XYLT1: variants seen among roughly 807,000 people sequenced by gnomAD.
XYLT1 encodes the protein beta-D-xylosyltransferase 1.
XYLT1 carries 36 observed loss-of-function variants against 91.3 expected under a neutral mutation model. That is an observed-to-expected ratio of 0.39 (90% CI 0.30 to 0.52). The LOEUF (loss-of-function observed/expected upper bound fraction) is 0.52. XYLT1 is among the 20% of genes least tolerant of loss of function. The pLI is 0.68. For synonymous variants in XYLT1, 588 were observed against 532.0 expected, an observed-to-expected ratio of 1.11 and a Z score of -1.45; for missense variants, 1,242 against 1,284.5, an observed-to-expected ratio of 0.97 and a Z score of 0.51.
At chr16:17,332,704 A>C (rs1036839730) in intron 2 of XYLT1, among the ~76,000 whole-genome samples, 1 of 152,120 alleles carries the variant, frequency 6.6e-6, no homozygotes, top group Non-Finnish European at 1.5e-5. Context: ...ACCTCCCCAC[A>C]GGTGGACACT....
Position 17,105,233 on chromosome 16 carries a change from T to C in XYLT1, c.*3462A>G, listed in dbSNP as rs1966758611. On this transcript the variant is annotated 3_prime_UTR_variant, in exon 12 of 12. Coordinates refer to ENST00000261381, the MANE Select transcript of XYLT1 (RefSeq NM_022166.4). The stretch of plus-strand genomic sequence containing the variant: ...AGTGTCTTCTGTGTTATCTGCAAAC[T>C]AGAGAACCAGAGGGAAACATGGTCT... 6.6e-6 allele frequency: 1 copy of C among 152,184 alleles called. No homozygotes were observed. Among genetic ancestry groups the C allele is most frequent in the Non-Finnish European group, 1.5e-5 (1 of 68,054 alleles). 9.4% of individuals were successfully genotyped at this position (152,184 alleles called of 1,614,324 possible).
At chr16:17,455,242 A>G (rs2036725731) in intron 1 of XYLT1, among the ~76,000 whole-genome samples, 1 of 152,064 alleles carries the variant, frequency 6.6e-6, no homozygotes, top group African/African-American at 2.4e-5. Flanking sequence ...GTTGGGCGTG[A>G]TCCCTTTCTG....
At chr16:17,145,319 C>T (rs898344750) in intron 6 of XYLT1, among the ~76,000 whole-genome samples, 6 of 152,204 alleles carry the variant, frequency 3.9e-5, no homozygotes, top group African/African-American at 1.4e-4. Flanking sequence ...CTCACCCTAG[C>T]ACCAGGGGGT....
intron 5 of XYLT1, among the ~76,000 whole-genome samples, chr16:17,166,767 G>C (rs2031694608): frequency 6.6e-6 from 1 of 151,680 alleles, no homozygotes; most frequent in African/African-American, 2.4e-5. Context: ...GCCTGCCTCA[G>C]CCTCCAAAGT....
chr16:17,270,778 A>C (rs571636782), intron 2 of XYLT1, among the ~76,000 whole-genome samples: 76 of 152,354 alleles, frequency 5.0e-4, no homozygotes, highest in African/African-American at 1.8e-3. Context: ...TCCAGGACAC[A>C]GCCATGCCCA....
chr16:17,168,107 T>G lies in XYLT1; in HGVS notation c.1290-9198A>C, dbSNP rs144291079. On this transcript the variant is annotated intron_variant, in intron 5 of 11. Coordinates refer to ENST00000261381, the MANE Select transcript of XYLT1 (RefSeq NM_022166.4). ...GCAAAAGAACTGGAAAAAAGGCAAATCCCTGATTCAAATGCAGTCAAAGCA... is the reference window on the plus strand; with the variant it reads ...GCAAAAGAACTGGAAAAAAGGCAAAGCCCTGATTCAAATGCAGTCAAAGCA... Among the ~76,000 whole-genome samples, 586 of 152,182 alleles carry G rather than the reference T, an allele frequency of 3.9e-3. 2 individuals carry two copies. Among genetic ancestry groups the G allele is most frequent in the African/African-American group, 0.013 (551 of 41,526 alleles).
chr16:17,300,928 C>T (rs1354483026), intron 2 of XYLT1, among the ~76,000 whole-genome samples: 2 of 152,130 alleles, frequency 1.3e-5, no homozygotes, highest in Non-Finnish European at 2.9e-5. Context: ...TAAGACAATT[C>T]AGATCCTTTC....
In XYLT1 at chr16:17,138,634, G is replaced by C. The variant is rs138907566; in HGVS notation, c.1588-103C>G. 1.2e-4 allele frequency: 170 copies of C among 1,383,930 alleles called. 1 individual carries two copies. The African/African-American group carries it at 2.2e-3, about 18-fold the overall frequency. 85.7% of individuals were successfully genotyped at this position (1,383,930 alleles called of 1,614,324 possible). ...CTTGCTCTGAGTTCATGTAAGAACT[G>C]GTTGTTTAAAAGAATGTGGCATCTC... On this transcript the variant is annotated intron_variant, in intron 7 of 11. Coordinates refer to ENST00000261381, the MANE Select transcript of XYLT1 (RefSeq NM_022166.4).
intron 1 of XYLT1, among the ~76,000 whole-genome samples, chr16:17,459,238 G>A (rs2036783644): frequency 6.6e-6 from 1 of 152,098 alleles, no homozygotes; most frequent in African/African-American, 2.4e-5. Flanking sequence ...CGGGCATGGT[G>A]GCACGCACCT....
chr16:17,436,296 T>C (rs933788951), intron 1 of XYLT1, among the ~76,000 whole-genome samples: 6 of 152,208 alleles, frequency 3.9e-5, no homozygotes, highest in Admixed American at 6.5e-5. Flanking sequence ...GAGATGAGCA[T>C]GTCAAGGCCC....
Position 17,312,013 on chromosome 16 carries a change from A to T in XYLT1, c.402+45999T>A, listed in dbSNP as rs564343556. Reference sequence around the variant, plus strand: ...ATTATAGGAGCTACAATTCAAGATGAGATTTGGGTGGGGACACAACCAAAC... The same window carrying T: ...ATTATAGGAGCTACAATTCAAGATGTGATTTGGGTGGGGACACAACCAAAC... On this transcript the variant is annotated intron_variant, in intron 2 of 11. Coordinates refer to ENST00000261381, the MANE Select transcript of XYLT1 (RefSeq NM_022166.4). The surrounding 1 kb of genome is among the most constrained non-coding windows in gnomAD (Gnocchi z 4.4). Among the ~76,000 whole-genome samples, 245 of 152,270 alleles carry T rather than the reference A, an allele frequency of 1.6e-3. 1 individual carries two copies. Among genetic ancestry groups the T allele is most frequent in the African/African-American group, 5.5e-3 (230 of 41,544 alleles).
intron 1 of XYLT1, among the ~76,000 whole-genome samples, chr16:17,425,439 G>T (rs1227192656): frequency 6.6e-6 from 1 of 152,144 alleles, no homozygotes; most frequent in East Asian, 1.9e-4. Flanking sequence ...ACCCACTCTA[G>T]ATAGTTGAGG....
At chr16:17,170,618 G>A (rs1244925695) in intron 5 of XYLT1, among the ~76,000 whole-genome samples, 2 of 152,192 alleles carry the variant, frequency 1.3e-5, no homozygotes, top group African/African-American at 4.8e-5. Context: ...ACTGGGAAAG[G>A]CTGGAGTATA....
At chr16:17,204,975 A>AG in intron 3 of XYLT1, among the ~76,000 whole-genome samples, 1 of 147,160 alleles carries the variant, frequency 6.8e-6, no homozygotes, top group Middle Eastern at 3.4e-3. Flanking sequence ...CCAAAAAAAA[A>AG]AAAAAAAAAA....
intron 1 of XYLT1, among the ~76,000 whole-genome samples, chr16:17,465,143 CAAAAAAAAA>C (rs35623153): frequency 3.1e-4 from 11 of 35,884 alleles, no homozygotes; most frequent in East Asian, 9.5e-4. Flanking sequence ...GATGCTGTCT[CAAAAAAAAA>C]AAAAAAAAAA....
intron 2 of XYLT1, among the ~76,000 whole-genome samples, chr16:17,260,035 T>G (rs1472639817): frequency 7.5e-6 from 1 of 132,488 alleles, no homozygotes; most frequent in East Asian, 1.9e-4. Flanking sequence ...AGCCGCAATT[T>G]TTTTTTTTTT....
At chr16:17,313,158 C>T (rs987544410) in intron 2 of XYLT1, among the ~76,000 whole-genome samples, 1 of 152,214 alleles carries the variant, frequency 6.6e-6, no homozygotes, top group Non-Finnish European at 1.5e-5. Flanking sequence ...GCCTGGGCTG[C>T]CTGCCAACAC....
chr16:17,217,957 TAA>T (rs10712419), intron 3 of XYLT1, among the ~76,000 whole-genome samples: 50 of 144,980 alleles, frequency 3.4e-4, no homozygotes, highest in Non-Finnish European at 4.7e-4. Context: ...ATAATAATAA[TAA>T]AAAAAAAAAA....
chr16:17,343,043 C>T (rs2035085948), intron 2 of XYLT1, among the ~76,000 whole-genome samples: 1 of 152,172 alleles, frequency 6.6e-6, no homozygotes, highest in Admixed American at 6.5e-5. Flanking sequence ...CAGGGTGGAA[C>T]ACCCAACAAG....
Sources: allele counts gnomAD v4.1 joint callset (sites outside exome capture counted in the v4.1 genomes callset), GRCh38; gene constraint gnomAD v4.1.1; non-coding constraint Gnocchi (gnomAD v3.1); transcripts MANE v1.5; gene names NCBI Gene and HGNC (gene_info 2026-07-23, HGNC 2026-07-21).